CHD1L: variants seen among roughly 807,000 people sequenced by gnomAD.
The protein encoded by CHD1L is chromodomain helicase DNA binding protein 1 like, also known as ATP-dependent chromatin remodeler CHD1L.
In CHD1L, 118 loss-of-function variants were observed where a neutral mutation model predicts 115.9. That is an observed-to-expected ratio of 1.02 (90% CI 0.88 to 1.19). CHD1L has a LOEUF of 1.19. Ranked by LOEUF, CHD1L falls within the 50% of genes most tolerant of loss-of-function variation. CHD1L has a pLI of 0.00. For synonymous variants in CHD1L, 411 were observed against 387.1 expected, an observed-to-expected ratio of 1.06 and a Z score of -0.72; for missense variants, 1,179 against 1,065.3, an observed-to-expected ratio of 1.11 and a Z score of -1.49.
intron 1 of CHD1L, among the ~76,000 whole-genome samples, chr1:147,249,441 C>G (rs1667691065): frequency 8.4e-6 from 1 of 118,362 alleles, no homozygotes; most frequent in Non-Finnish European, 1.6e-5. Flanking sequence ...GAGTCTCTCT[C>G]TGTTGCCAGG....
intron 15 of CHD1L, among the ~76,000 whole-genome samples, chr1:147,283,777 C>G (rs1681897248): frequency 6.6e-6 from 1 of 152,166 alleles, no homozygotes; most frequent in African/African-American, 2.4e-5. Context: ...CCTGCCTCTT[C>G]CAGTGAGAAT....
the CHD1L span, among the ~76,000 whole-genome samples, chr1:147,183,421 C>T: frequency 4.8e-3 from 737 of 152,254 alleles, 2 homozygotes; most frequent in Middle Eastern, 0.014. Context: ...TTACTGAGGT[C>T]TTACTATGTT....
chr1:147,275,485 T>G lies in CHD1L; in HGVS notation c.1385+17T>G. 1 of 1,592,812 alleles carries G rather than the reference T, an allele frequency of 6.3e-7. No individual in the cohort carries two copies. Among genetic ancestry groups the G allele is most frequent in the Non-Finnish European group, 8.6e-7 (1 of 1,160,624 alleles). ...CCAAAACAAGTAAGTGATTTTTTTC[T>G]GCTTCCTTGGCTTGCCCAGCAGCAG... On this transcript the variant is annotated intron_variant, in intron 13 of 22. Transcript: ENST00000369258.
At chr1:147,218,530 C>T in the CHD1L span, among the ~76,000 whole-genome samples, 21,817 of 152,034 alleles carry the variant, frequency 0.14, 1,536 homozygotes, top group South Asian at 0.18. Flanking sequence ...GCCACCGCGC[C>T]CAGCCTCAAC....
chr1:147,284,191 A>T (rs1559869591), intron 15 of CHD1L, among the ~76,000 whole-genome samples, 160 bp from the exon 16 acceptor site: 1 of 152,188 alleles, frequency 6.6e-6, no homozygotes, highest in East Asian at 1.9e-4. Context: ...CACATTCTTC[A>T]GTGTCAGTGG....
intron 18 of CHD1L, among the ~76,000 whole-genome samples, chr1:147,286,926 G>GT (rs1397033168): frequency 2.6e-5 from 4 of 151,890 alleles, no homozygotes; most frequent in Non-Finnish European, 5.9e-5. Context: ...TCAAATGTCT[G>GT]TTTCTCAGAG....
At position 147,294,395 on chromosome 1, in the gene CHD1L, TCTC is replaced by T; in HGVS notation, c.2507-13_2507-11del. On this transcript the variant is annotated splice_polypyrimidine_tract_variant and intron_variant, in intron 21 of 22. Transcript: ENST00000369258. ...TTTGATGAGTGAAGACATGTGTTCT[TCTC>T]TTCATAATAGCAAGTGTTCATCTTC... 8 of 1,598,306 alleles carry T rather than the reference TCTC, an allele frequency of 5.0e-6. No individual in the cohort carries two copies. In the Admixed American group the frequency reaches 1.4e-4, roughly 27 times the overall value.
the CHD1L span, chr1:147,224,886 T>C: frequency 6.2e-7 from 1 of 1,613,356 alleles, no homozygotes. Flanking sequence ...GACTAGGAGA[T>C]GTATGTACCT....
intron 20 of CHD1L, 31 bp downstream of exon 20, chr1:147,291,583 C>T (rs1553970577): frequency 6.4e-7 from 1 of 1,559,192 alleles, no homozygotes; most frequent in South Asian, 1.1e-5. Flanking sequence ...CTCAGAACTA[C>T]AAGTGGACTC....
At position 147,259,833 on chromosome 1, in the gene CHD1L, A is replaced by G. The variant is rs782708391; in HGVS notation, c.495-4A>G. 1.2e-6 allele frequency: 2 copies of G among 1,607,772 alleles called. No individual in the cohort carries two copies. The highest frequency in any genetic ancestry group is 8.5e-7 in the Non-Finnish European group (1 of 1,178,828). On this transcript the variant is annotated splice_polypyrimidine_tract_variant and splice_region_variant and intron_variant, in intron 5 of 22. Transcript: ENST00000369258. ...AAACTGAAAGCTTGGGTTTTCTCTC[A>G]CAGATTCCCTTGGAGTGTTCTTGTT...
At chr1:147,233,563 C>T in the CHD1L span, among the ~76,000 whole-genome samples, 2 of 152,112 alleles carry the variant, frequency 1.3e-5, no homozygotes, top group Non-Finnish European at 2.9e-5. Flanking sequence ...TGAGAAGCCC[C>T]TCTGCCCGGC....
intron 20 of CHD1L, among the ~76,000 whole-genome samples, chr1:147,293,194 G>A (rs782740161): frequency 3.3e-5 from 5 of 152,174 alleles, no homozygotes; most frequent in South Asian, 2.1e-4. Flanking sequence ...GGAATTGTTC[G>A]AACAGAGATG....
At chr1:147,214,352 G>A in the CHD1L span, among the ~76,000 whole-genome samples, 44 of 152,148 alleles carry the variant, frequency 2.9e-4, no homozygotes, top group East Asian at 8.3e-3. Flanking sequence ...TCGGGAGGCT[G>A]AGGCGGGAGA....
At chr1:147,258,915 A>T (rs587616023) in intron 5 of CHD1L, 2 of 152,190 alleles carry the variant, frequency 1.3e-5, no homozygotes, top group African/African-American at 2.4e-5. Context: ...TATCTTTTGC[A>T]TGGCTTTCAC....
chr1:147,272,423 A>G (rs1676599022), intron 12 of CHD1L, 142 bp downstream of exon 12: 1 of 598,894 alleles, frequency 1.7e-6, no homozygotes, highest in South Asian at 2.3e-5. Context: ...CTGGACATCA[A>G]GCATGGTGCT....
chr1:147,202,312 CTTTTTTTTT>C, the CHD1L span, among the ~76,000 whole-genome samples: 5 of 77,464 alleles, frequency 6.5e-5, no homozygotes, highest in Non-Finnish European at 1.3e-4. Flanking sequence ...AAAAGCAGTT[CTTTTTTTTT>C]TTTTTTTTTT....
chr1:147,273,704 A>G (rs1392343290), intron 12 of CHD1L, among the ~76,000 whole-genome samples: 1 of 152,228 alleles, frequency 6.6e-6, no homozygotes, highest in Non-Finnish European at 1.5e-5. Context: ...TAAAATTAGG[A>G]AAAAAGAGAT....
intron 12 of CHD1L, 132 bp downstream of exon 12, chr1:147,272,413 C>T: frequency 4.7e-6 from 3 of 638,786 alleles, no homozygotes; most frequent in South Asian, 2.1e-5. Flanking sequence ...AAACAAGGTA[C>T]TGGACATCAA....
chr1:147,289,129 T>C (rs1211740804), intron 19 of CHD1L, among the ~76,000 whole-genome samples: 1 of 152,106 alleles, frequency 6.6e-6, no homozygotes, highest in East Asian at 1.9e-4. Flanking sequence ...AAATAGTCAA[T>C]CCAGATCTAG....
Sources: allele counts gnomAD v4.1 joint callset (sites outside exome capture counted in the v4.1 genomes callset), GRCh38; gene constraint gnomAD v4.1.1; transcripts MANE v1.5; gene names NCBI Gene and HGNC (gene_info 2026-07-23, HGNC 2026-07-21).